The following SH3BP2 variants were observed in gnomAD, a reference collection of about 807,000 sequenced individuals.
SH3BP2 encodes the protein SH3 domain binding protein 2.
SH3BP2 carries 38 observed loss-of-function variants against 56.2 expected under a neutral mutation model. The ratio of observed to expected loss-of-function variants is 0.68; its 90% CI spans 0.52 to 0.89. The LOEUF (loss-of-function observed/expected upper bound fraction) is 0.89, where lower values mean the gene tolerates loss of function less well. Among genes scored for constraint, SH3BP2 ranks in the 40% least tolerant of loss-of-function variants. The probability of loss-of-function intolerance (pLI) is 0.00; values close to 1 mark genes in which losing one functional copy is unlikely to be tolerated. For synonymous variants in SH3BP2, 346 were observed against 316.7 expected (o/e 1.09, Z -0.98); for missense variants, 748 against 762.6 (o/e 0.98, Z 0.23).
intron 3 of SH3BP2, 126 bp downstream of exon 3, chr4:2,823,163 G>A (rs1724402222): frequency 1.4e-6 from 1 of 734,148 alleles, no homozygotes; most frequent in South Asian, 1.5e-5. Context: ...CAGCCTTCGT[G>A]CCCATCCCCT....
chr4:2,799,091 C>T, intron 1 of SH3BP2: 1 of 985,564 alleles, frequency 1.0e-6, no homozygotes, highest in African/African-American at 1.7e-5. Flanking sequence ...CCTCAGCCTC[C>T]ACCCGCCACC....
intron 2 of SH3BP2, 22 bp downstream of exon 2, chr4:2,820,775 G>A (rs1454823392): frequency 6.2e-7 from 1 of 1,608,010 alleles, no homozygotes; most frequent in Admixed American, 1.7e-5. Flanking sequence ...GGGTGGTAGG[G>A]TGCACAGTAG....
chr4:2,827,588 C>T lies in SH3BP2; in HGVS notation c.518-18C>T, dbSNP rs74503655. 279 of 1,580,048 alleles carry T rather than the reference C, an allele frequency of 1.8e-4. No homozygotes were observed. In the African/African-American group the frequency reaches 2.4e-3, roughly 14 times the overall value. On this transcript the variant is annotated intron_variant, in intron 6 of 12. Transcript: ENST00000503393. Reference sequence around the variant, plus strand: ...CCTGGGCCGGTTTGGCTCTCACCACCCCCCTCTCCCCATGCAGACTATGAG... The same window carrying T: ...CCTGGGCCGGTTTGGCTCTCACCACTCCCCTCTCCCCATGCAGACTATGAG...
intron 1 of SH3BP2, among the ~76,000 whole-genome samples, chr4:2,817,589 C>T (rs560523027): frequency 6.6e-6 from 1 of 152,298 alleles, no homozygotes; most frequent in South Asian, 2.1e-4. Context: ...ATGGAGGAGG[C>T]AGGATGCCTG....
intron 1 of SH3BP2, among the ~76,000 whole-genome samples, chr4:2,816,502 G>A (rs946967502): frequency 2.6e-5 from 4 of 152,322 alleles, no homozygotes; most frequent in African/African-American, 9.6e-5. Context: ...TAGAAGTAGA[G>A]CAGACATCCT....
chr4:2,821,633 C>T (rs1037174990), intron 2 of SH3BP2, among the ~76,000 whole-genome samples: 4 of 152,248 alleles, frequency 2.6e-5, no homozygotes, highest in East Asian at 1.9e-4. Context: ...GATCATGGCT[C>T]ACTGCAGCCT....
rs1723696066 is a variant in SH3BP2, at chr4:2,810,357, G to A, written c.-4-10257G>A. Among the ~76,000 whole-genome samples, 1 of 151,508 alleles carries A rather than the reference G, an allele frequency of 6.6e-6. No individual in the cohort carries two copies. The highest frequency in any genetic ancestry group is 2.4e-5 in the African/African-American group (1 of 41,204). Reference sequence around the variant, plus strand: ...CAGCATTGGACCAGGGCTGTGGGGGGAATGGGCCTGGGCCAGGGTCAGGTG... The same window carrying A: ...CAGCATTGGACCAGGGCTGTGGGGGAAATGGGCCTGGGCCAGGGTCAGGTG... On this transcript the variant is annotated intron_variant, in intron 1 of 12. Coordinates refer to ENST00000503393, the MANE Select transcript of SH3BP2 (RefSeq NM_001122681.2). This position sits in a 1 kb window ranked among gnomAD's most constrained non-coding sequence, Gnocchi z 4.2.
intron 1 of SH3BP2, chr4:2,818,755 C>G: frequency 1.0e-6 from 1 of 988,580 alleles, no homozygotes; most frequent in Non-Finnish European, 1.2e-6. Flanking sequence ...TGGGACCCGC[C>G]CCTGACCCCT....
intron 1 of SH3BP2, among the ~76,000 whole-genome samples, chr4:2,808,696 G>A (rs934057703): frequency 2.0e-5 from 3 of 152,110 alleles, no homozygotes; most frequent in Non-Finnish European, 4.4e-5. Context: ...CATGGGAGGG[G>A]CTCATGCAAA....
At chr4:2,824,487 C>A in intron 3 of SH3BP2, 126 bp from the exon 4 acceptor site, 1 of 657,336 alleles carries the variant, frequency 1.5e-6, no homozygotes, top group Non-Finnish European at 2.6e-6. Flanking sequence ...AGCCAGGGCC[C>A]ACCCGATCTG....
At chr4:2,819,407 T>A (rs1247021205) in intron 1 of SH3BP2, among the ~76,000 whole-genome samples, 2 of 152,148 alleles carry the variant, frequency 1.3e-5, no homozygotes, top group East Asian at 1.9e-4. Flanking sequence ...AATTTTTTTT[T>A]AGAGATAGGG....
At chr4:2,811,313 C>T (rs1723740470) in intron 1 of SH3BP2, among the ~76,000 whole-genome samples, 1 of 152,224 alleles carries the variant, frequency 6.6e-6, no homozygotes, top group Admixed American at 6.5e-5. Flanking sequence ...CCTAGGAAGC[C>T]TGGCGGGCAA....
At chr4:2,816,764 T>C (rs1237554841) in intron 1 of SH3BP2, among the ~76,000 whole-genome samples, 1 of 152,266 alleles carries the variant, frequency 6.6e-6, no homozygotes, top group Admixed American at 6.5e-5. Context: ...TAAACCATCC[T>C]TGTATTCCTG....
chr4:2,796,440 A>T, intron 1 of SH3BP2: 1 of 985,380 alleles, frequency 1.0e-6, no homozygotes. Context: ...CCGATCACAG[A>T]TCGTGCTGGA....
At chr4:2,800,623 G>C (rs1220575604) in intron 1 of SH3BP2, among the ~76,000 whole-genome samples, 2 of 151,512 alleles carry the variant, frequency 1.3e-5, no homozygotes, top group Non-Finnish European at 2.9e-5. Flanking sequence ...TCGGGCTCCC[G>C]TGCCAGGGGT....
chr4:2,820,870 C>A (rs1724265620), intron 2 of SH3BP2, 117 bp downstream of exon 2: 1 of 1,212,616 alleles, frequency 8.2e-7, no homozygotes, highest in African/African-American at 1.5e-5. Context: ...TCTGGATTTT[C>A]CCATTCCCTC....
chr4:2,838,392 A>T lies in SH3BP2; in HGVS notation c.*4558A>T, dbSNP rs1725306693. The stretch of plus-strand genomic sequence containing the variant: ...TGCTTTATCCCCTTGAATCATACAG[A>T]TGCAAATTCTGGCAGCTGGCTTCTT... On this transcript the variant is annotated 3_prime_UTR_variant, in exon 13 of 13. Transcript: ENST00000503393. 1 of 152,244 alleles carries T rather than the reference A, an allele frequency of 6.6e-6. No homozygotes were observed. The allele number at this position is 152,244 out of a possible 1,614,324, so 9.4% of individuals were successfully genotyped here. A position where few individuals can be genotyped will look rare whatever the true frequency, so the allele number is the denominator to read the frequency against.
rs1725323195 is a variant in SH3BP2 at position 2,838,854 on chromosome 4, G to C, written c.*5020G>C. ...TGATGCACGTGTGTTTTTTGCAAAT[G>C]GTGCACAAATTTTTCTAGGGTTTGT... On this transcript the variant is annotated 3_prime_UTR_variant, in exon 13 of 13. Transcript: ENST00000503393. 1 of 152,016 alleles carries C rather than the reference G, an allele frequency of 6.6e-6. No individual in the cohort carries two copies. 9.4% of individuals were successfully genotyped at this position (152,016 alleles called of 1,614,324 possible).
intron 1 of SH3BP2, among the ~76,000 whole-genome samples, chr4:2,794,862 G>A (rs1376579234): frequency 2.0e-5 from 3 of 152,208 alleles, no homozygotes; most frequent in Non-Finnish European, 4.4e-5. Flanking sequence ...ACACAAGCAG[G>A]CCCACAGACG....
Sources: allele counts gnomAD v4.1 joint callset (sites outside exome capture counted in the v4.1 genomes callset), GRCh38; gene constraint gnomAD v4.1.1; non-coding constraint Gnocchi (gnomAD v3.1); transcripts MANE v1.5; gene names NCBI Gene and HGNC (gene_info 2026-07-23, HGNC 2026-07-21).